The following UNC13C variants were observed in gnomAD, a reference collection of about 807,000 sequenced individuals.
UNC13C encodes the protein protein unc-13 homolog C.
Under a neutral mutation model 245.4 loss-of-function variants are expected in UNC13C, and 174 were observed. The ratio of observed to expected loss-of-function variants is 0.71; its 90% CI spans 0.63 to 0.80. UNC13C has a LOEUF of 0.80. UNC13C is among the 30% of genes least tolerant of loss of function. UNC13C has a pLI of 0.00. For missense variants in UNC13C, 2,829 were observed against 2,602.9 expected, an observed-to-expected ratio of 1.09 and a Z score of -1.89; for synonymous variants, 992 against 895.1, an observed-to-expected ratio of 1.11 and a Z score of -1.93.
At chr15:53,942,298 A>C in the UNC13C span, among the ~76,000 whole-genome samples, 1 of 152,214 alleles carries the variant, frequency 6.6e-6, no homozygotes. Context: ...AAGCTAATGC[A>C]GGAATAGAAA....
chr15:54,552,543 A>G (rs1226321726), intron 28 of UNC13C, among the ~76,000 whole-genome samples: 1 of 86,442 alleles, frequency 1.2e-5, no homozygotes, highest in East Asian at 3.3e-4. Flanking sequence ...ATAATTATAT[A>G]TTATATTGTA....
At chr15:54,523,461 C>G in intron 24 of UNC13C, among the ~76,000 whole-genome samples, 1 of 152,148 alleles carries the variant, frequency 6.6e-6, no homozygotes. Flanking sequence ...ACCTATGTAT[C>G]CAGAAATTAA....
At chr15:54,370,087 C>T (rs903408957) in intron 17 of UNC13C, among the ~76,000 whole-genome samples, 1 of 152,214 alleles carries the variant, frequency 6.6e-6, no homozygotes, top group African/African-American at 2.4e-5. Context: ...ATCGAGCCAA[C>T]GCTTGGCATT....
chr15:54,558,007 A>C (rs1897158384), intron 29 of UNC13C, among the ~76,000 whole-genome samples: 2 of 152,066 alleles, frequency 1.3e-5, no homozygotes, highest in Non-Finnish European at 2.9e-5. Context: ...CAAGAACGAA[A>C]AACCAAACAC....
At chr15:54,439,595 G>A (rs1596376962) in intron 19 of UNC13C, among the ~76,000 whole-genome samples, 1 of 151,752 alleles carries the variant, frequency 6.6e-6, no homozygotes, top group African/African-American at 2.4e-5. Flanking sequence ...ATGCATTTAT[G>A]TATTTTCACA....
At chr15:54,371,799 G>A (rs553639018) in intron 17 of UNC13C, among the ~76,000 whole-genome samples, 100 of 152,098 alleles carry the variant, frequency 6.6e-4, no homozygotes, top group African/African-American at 2.3e-3. Context: ...GTGGCAACAC[G>A]TATGAACCTG....
chr15:53,978,911 A>C lies in UNC13C; in HGVS notation c.-273A>C, dbSNP rs562749529. On this transcript the variant is annotated 5_prime_UTR_variant, in exon 1 of 33. Coordinates refer to ENST00000260323, the MANE Select transcript of UNC13C (RefSeq NM_001080534.3). ...CCAGTTGGCGTGCACATTTTTTTTT[A>C]AAGGAGAATTCCTCAGGTATGTTCT... Among the ~76,000 whole-genome samples, 14 of 152,290 alleles carry C rather than the reference A, an allele frequency of 9.2e-5. No homozygotes were observed. Among genetic ancestry groups the C allele is most frequent in the African/African-American group, 3.4e-4 (14 of 41,570 alleles).
intron 30 of UNC13C, among the ~76,000 whole-genome samples, chr15:54,576,287 C>T (rs118075071): frequency 6.6e-6 from 1 of 152,330 alleles, no homozygotes; most frequent in Non-Finnish European, 1.5e-5. Context: ...CACTCGTTTT[C>T]ATCCGAAAGA....
chr15:53,864,488 T>C, the UNC13C span, among the ~76,000 whole-genome samples: 1 of 152,224 alleles, frequency 6.6e-6, no homozygotes, highest in African/African-American at 2.4e-5. Context: ...AGCGCAGACT[T>C]ATTGCATGAT....
chr15:54,574,830 C>A (rs1897891486), intron 30 of UNC13C, among the ~76,000 whole-genome samples: 1 of 152,020 alleles, frequency 6.6e-6, no homozygotes, highest in African/African-American at 2.4e-5. Context: ...TCATTTTGAT[C>A]ATTTTAATAA....
chr15:54,081,112 G>T (rs984736125), intron 2 of UNC13C, among the ~76,000 whole-genome samples: 2 of 151,898 alleles, frequency 1.3e-5, no homozygotes, highest in African/African-American at 4.8e-5. Context: ...ATATTTGTGT[G>T]GTTTTGAGAG....
At chr15:53,985,404 G>A (rs1204702086) in intron 1 of UNC13C, among the ~76,000 whole-genome samples, 6 of 150,508 alleles carry the variant, frequency 4.0e-5, no homozygotes, top group Non-Finnish European at 7.4e-5. Context: ...CATGTGCACA[G>A]TGTGCAGGTT....
rs141398986 is a variant in UNC13C at position 54,001,926 on chromosome 15, C to G, written c.-256-10722C>G. Among the ~76,000 whole-genome samples, 260 of 152,308 alleles carry G rather than the reference C, an allele frequency of 1.7e-3. 1 individual carries two copies. Among genetic ancestry groups the G allele is most frequent in the African/African-American group, 6.0e-3 (248 of 41,562 alleles). The stretch of plus-strand genomic sequence containing the variant: ...CCGTCCCATCAAGGATGCAAATGCT[C>G]CGTGATTTAACTGATGTTATCCCAC... On this transcript the variant is annotated intron_variant, in intron 1 of 32. Coordinates refer to ENST00000260323, the MANE Select transcript of UNC13C (RefSeq NM_001080534.3).
At chr15:53,985,113 A>C (rs923951584) in intron 1 of UNC13C, among the ~76,000 whole-genome samples, 26 of 151,296 alleles carry the variant, frequency 1.7e-4, no homozygotes, top group Middle Eastern at 6.8e-3. Context: ...CCACCCTCCA[A>C]CAGGCCCTGG....
At chr15:54,149,516 C>T (rs1048192649) in intron 4 of UNC13C, among the ~76,000 whole-genome samples, 1 of 152,112 alleles carries the variant, frequency 6.6e-6, no homozygotes, top group South Asian at 2.1e-4. Flanking sequence ...TTCACATTAC[C>T]ACTGATCTAG....
chr15:54,607,034 G>A (rs1008435098), intron 30 of UNC13C, among the ~76,000 whole-genome samples: 2 of 151,828 alleles, frequency 1.3e-5, no homozygotes, highest in African/African-American at 4.8e-5. Context: ...AGGTTTTGTG[G>A]GAAAAAAAAT....
At chr15:54,550,556 A>G (rs1392729216) in intron 28 of UNC13C, among the ~76,000 whole-genome samples, 1 of 152,164 alleles carries the variant, frequency 6.6e-6, no homozygotes, top group Non-Finnish European at 1.5e-5. Flanking sequence ...AACAAAATGT[A>G]TAATTATTTA....
intron 15 of UNC13C, among the ~76,000 whole-genome samples, chr15:54,333,564 C>T (rs1182063783): frequency 7.2e-5 from 11 of 151,882 alleles, no homozygotes; most frequent in Non-Finnish European, 1.3e-4. Context: ...GTGCAGCTTT[C>T]CAAGAGTAAA....
intron 19 of UNC13C, among the ~76,000 whole-genome samples, chr15:54,470,963 C>A (rs181918351): frequency 6.6e-6 from 1 of 151,014 alleles, no homozygotes; most frequent in African/African-American, 2.4e-5. Flanking sequence ...ATTTTTTTAA[C>A]CCTATAGTTT....
Sources: gnomAD v4.1 joint callset for allele counts (sites outside exome capture counted in the v4.1 genomes callset) on GRCh38, gnomAD v4.1.1 for gene constraint, MANE v1.5 for transcripts, NCBI Gene and HGNC (gene_info 2026-07-23, HGNC 2026-07-21) for gene names.